The following CABYR variants were observed in gnomAD, a reference collection of about 807,000 sequenced individuals.
CABYR encodes the protein calcium binding tyrosine phosphorylation regulated.
A neutral mutation model predicts 36.1 loss-of-function variants in CABYR; 31 were observed. That is an observed-to-expected ratio of 0.86 (90% CI 0.64 to 1.16). The LOEUF is 1.16. Among genes scored for constraint, CABYR ranks in the 50% most tolerant of loss-of-function variants. The probability of loss-of-function intolerance (pLI) is 0.00; values close to 1 mark genes in which losing one functional copy is unlikely to be tolerated. For missense variants in CABYR, 429 were observed against 455.8 expected (o/e 0.94, Z 0.53); for synonymous variants, 146 against 160.7 (o/e 0.91, Z 0.69).
rs973190003 is a variant in CABYR at position 24,155,849 on chromosome 18, T to A, written c.348T>A (p.Ser116Arg). The A allele has an allele frequency of 6.2e-7, 1 of 1,614,014 alleles. No homozygotes were observed. Among genetic ancestry groups the A allele is most frequent in the African/African-American group, 1.3e-5 (1 of 74,912 alleles). ...ACAATGTAACCAGAACAGAATATAGTGACAAAACCACCCAGTTTCCATCAG... is the reference window on the plus strand; with the variant it reads ...ACAATGTAACCAGAACAGAATATAGAGACAAAACCACCCAGTTTCCATCAG... ...DEDNVTRTEY[S>R]DKTTQFPSVY... Residue 116 changes from serine (S) to arginine (R), a missense_variant, in exon 4 of 6, where the codon AGT becomes AGA. Coordinates refer to ENST00000399496, the MANE Select transcript of CABYR (RefSeq NM_153769.3).
chr18:24,145,863 G>C (rs1363703644), intron 3 of CABYR, among the ~76,000 whole-genome samples: 1 of 152,118 alleles, frequency 6.6e-6, no homozygotes, highest in Non-Finnish European at 1.5e-5. Flanking sequence ...AGGAAGAAAG[G>C]TCATACACTC....
chr18:24,150,611 C>A (rs1048371580), intron 3 of CABYR: 3 of 975,788 alleles, frequency 3.1e-6, no homozygotes, highest in Non-Finnish European at 3.7e-6. Flanking sequence ...AGAAACTAAA[C>A]CACCTACTTT....
chr18:24,146,456 C>T (rs1425981989), intron 3 of CABYR, among the ~76,000 whole-genome samples: 7 of 151,618 alleles, frequency 4.6e-5, no homozygotes, highest in Admixed American at 1.3e-4. Flanking sequence ...GGCTGAGGCA[C>T]GAGAACCGCT....
chr18:24,150,344 C>G (rs1023753474), intron 3 of CABYR, among the ~76,000 whole-genome samples: 2 of 152,246 alleles, frequency 1.3e-5, no homozygotes, highest in East Asian at 3.8e-4. Context: ...TTGCTTTCCA[C>G]CTCCTACAGT....
intron 3 of CABYR, among the ~76,000 whole-genome samples, chr18:24,150,859 A>C (rs1210155076): frequency 6.6e-6 from 1 of 150,520 alleles, no homozygotes; most frequent in Non-Finnish European, 1.5e-5. Flanking sequence ...AGCTCACTGC[A>C]AGCTCCGCCT....
At chr18:24,149,719 C>T (rs576064953) in intron 3 of CABYR, among the ~76,000 whole-genome samples, 15 of 152,370 alleles carry the variant, frequency 9.8e-5, no homozygotes, top group Admixed American at 7.2e-4. Flanking sequence ...AGCTAAGGCC[C>T]GGCGAGAAAT....
Position 24,159,624 on chromosome 18 carries a change from G to T in CABYR, c.694G>T (p.Asp232Tyr), listed in dbSNP as rs1295986768. 2.5e-6 allele frequency: 4 copies of T among 1,613,820 alleles called. No homozygotes were observed. The highest frequency in any genetic ancestry group is 1.3e-5 in the African/African-American group (1 of 74,896). ...AACCCTCTATTTACCTAATCCTAAGGATCCACAGTTTCAGCAGCATCCACC... is the reference window on the plus strand; with the variant it reads ...AACCCTCTATTTACCTAATCCTAAGTATCCACAGTTTCAGCAGCATCCACC... ...QATLYLPNPKDPQFQQHPPKV... is the reference protein window; with the variant it reads ...QATLYLPNPKYPQFQQHPPKV... Residue 232 changes from aspartate to tyrosine, a missense_variant, in exon 5 of 6, where the codon GAT becomes TAT. By Grantham distance (160) the Asp-to-Tyr change is radical (BLOSUM62 -3). Transcript: ENST00000399496.
chr18:24,144,993 G>T (rs771500552), intron 3 of CABYR, among the ~76,000 whole-genome samples: 3 of 152,162 alleles, frequency 2.0e-5, no homozygotes, highest in Non-Finnish European at 4.4e-5. Flanking sequence ...TCCTACCTTT[G>T]TAATCATTGC....
In CABYR at chr18:24,156,003, G is replaced by A. The variant is rs777726396; in HGVS notation, c.502G>A (p.Val168Ile). The A allele has an allele frequency of 5.6e-6, 9 of 1,614,176 alleles. No individual in the cohort carries two copies. The East Asian group carries it at 6.7e-5, about 12-fold the overall frequency. The change falls in exon 4 of 6, where the codon GTC becomes ATC. Residue 168 changes from valine (V) to isoleucine (I), a missense_variant. Coordinates refer to ENST00000399496, the MANE Select transcript of CABYR (RefSeq NM_153769.3). Reference sequence around the variant, plus strand: ...AGCTGTCTCACCAGAGTTTGCCTACGTCCCAGCTGACCCAGCTCAGCTTGC... The same window carrying A: ...AGCTGTCTCACCAGAGTTTGCCTACATCCCAGCTGACCCAGCTCAGCTTGC... ...PTAVSPEFAY[V>I]PADPAQLAAQ...
At chr18:24,150,730 T>C in intron 3 of CABYR, 1 of 220,052 alleles carries the variant, frequency 4.5e-6, no homozygotes. Flanking sequence ...CTTTAAGCAC[T>C]CTCTTTGAGC....
chr18:24,146,546 A>G (rs544154683), intron 3 of CABYR, among the ~76,000 whole-genome samples: 1 of 117,480 alleles, frequency 8.5e-6, no homozygotes, highest in East Asian at 2.0e-4. Context: ...AAGACTGTCT[A>G]AAAAAAAAAA....
intron 4 of CABYR, chr18:24,156,577 C>A: frequency 6.2e-7 from 1 of 1,614,208 alleles, no homozygotes; most frequent in Non-Finnish European, 8.5e-7. Flanking sequence ...TCTAAAAAAT[C>A]TGTAGAGTCT....
At chr18:24,157,822 T>A (rs1185035747) in intron 4 of CABYR, among the ~76,000 whole-genome samples, 1 of 152,222 alleles carries the variant, frequency 6.6e-6, no homozygotes, top group African/African-American at 2.4e-5. Flanking sequence ...TCCTGCCTTA[T>A]GGATAATTGC....
At chr18:24,150,900 C>T (rs1045487203) in intron 3 of CABYR, among the ~76,000 whole-genome samples, 2 of 151,904 alleles carry the variant, frequency 1.3e-5, no homozygotes, top group African/African-American at 4.8e-5. Context: ...CTGCCTCAGC[C>T]TCCCGAATAG....
At position 24,143,074 on chromosome 18, in the gene CABYR, CTT is replaced by C. The variant is rs2085366238; in HGVS notation, c.-24-13_-24-12del. 7.7e-7 allele frequency: 1 copy of C among 1,295,698 alleles called. No individual in the cohort carries two copies. Among genetic ancestry groups the C allele is most frequent in the Non-Finnish European group, 1.1e-6 (1 of 946,716 alleles). The allele number at this position is 1,295,698 out of a possible 1,614,324, so 80.3% of individuals were successfully genotyped here. A position where few individuals can be genotyped will look rare whatever the true frequency, so the allele number is the denominator to read the frequency against. On this transcript the variant is annotated splice_polypyrimidine_tract_variant and intron_variant, in intron 1 of 5. Transcript: ENST00000399496. Reference sequence around the variant, plus strand: ...TTAGTAAAACTAATTACTTCTAAGACTTTTTCTTCATTCTAGTTGAGTTACAG... The same window carrying C: ...TTAGTAAAACTAATTACTTCTAAGACTTTCTTCATTCTAGTTGAGTTACAG...
intron 4 of CABYR, chr18:24,156,707 C>T: frequency 1.9e-6 from 3 of 1,614,178 alleles, no homozygotes; most frequent in South Asian, 2.2e-5. Flanking sequence ...CTGCACAACT[C>T]CTGGATGCAG....
chr18:24,161,474 G>A, intron 5 of CABYR, 42 bp from the exon 6 acceptor site: 1 of 778,392 alleles, frequency 1.3e-6, no homozygotes, highest in South Asian at 1.4e-5. Context: ...TCGGTTTCAT[G>A]TTTAACTTTA....
chr18:24,146,754 C>T (rs1016586320), intron 3 of CABYR, among the ~76,000 whole-genome samples: 3 of 151,944 alleles, frequency 2.0e-5, no homozygotes, highest in South Asian at 2.1e-4. Context: ...TGAGAGCAGG[C>T]GGAGGGGTAA....
intron 3 of CABYR, among the ~76,000 whole-genome samples, chr18:24,149,684 C>A (rs1201583270): frequency 6.6e-6 from 1 of 152,232 alleles, no homozygotes; most frequent in African/African-American, 2.4e-5. Flanking sequence ...GGCTGCAGGT[C>A]CCGAGCCCTG....
Sources: allele counts gnomAD v4.1 joint callset (sites outside exome capture counted in the v4.1 genomes callset), GRCh38; gene constraint gnomAD v4.1.1; transcripts MANE v1.5; gene names NCBI Gene and HGNC (gene_info 2026-07-23, HGNC 2026-07-21).